The following ABR variants were observed in gnomAD, a reference collection of about 807,000 sequenced individuals.
ABR encodes ABR activator of RhoGEF and GTPase.
In ABR, 35 loss-of-function variants were observed where a neutral mutation model predicts 107.2. That is an observed-to-expected ratio of 0.33 (90% CI 0.25 to 0.43). The LOEUF (loss-of-function observed/expected upper bound fraction) is 0.43. Among genes scored for constraint, ABR ranks in the 20% least tolerant of loss-of-function variants. The pLI is 1.00. For synonymous variants in ABR, 498 were observed against 462.0 expected (o/e 1.08, Z -1.00); for missense variants, 815 against 1,115.2 (o/e 0.73, Z 3.83).
chr17:1,133,775 A>T (rs1293178833), intron 1 of ABR, among the ~76,000 whole-genome samples: 1 of 152,114 alleles, frequency 6.6e-6, no homozygotes, highest in Non-Finnish European at 1.5e-5. Flanking sequence ...GTGGCAACAG[A>T]CCAGTCCCAG....
intron 1 of ABR, among the ~76,000 whole-genome samples, chr17:1,212,574 G>A (rs1309352919): frequency 6.6e-6 from 1 of 151,394 alleles, no homozygotes; most frequent in Non-Finnish European, 1.5e-5. Flanking sequence ...GGCCAACATG[G>A]TGAAACCTCG....
chr17:1,120,256 ATT>A (rs34286098), intron 2 of ABR, among the ~76,000 whole-genome samples: 1 of 150,570 alleles, frequency 6.6e-6, no homozygotes, highest in Non-Finnish European at 1.5e-5. Context: ...AATGATGATG[ATT>A]TTTTTTTTCC....
Position 1,037,335 on chromosome 17 carries a change from C to T in ABR, c.1791+12715G>A, listed in dbSNP as rs1026070750. 6.6e-6 allele frequency among the ~76,000 whole-genome samples: 1 copy of T among 152,190 alleles called. No homozygotes were observed. Among genetic ancestry groups the T allele is most frequent in the Non-Finnish European group, 1.5e-5 (1 of 68,040 alleles). ...CGTGCTGCTTCTCACACAGCTCCAG[C>T]CTCCCTCTGCCTGACCTCCAGCCTC... On this transcript the variant is annotated intron_variant, in intron 16 of 22. Coordinates refer to ENST00000302538, the MANE Select transcript of ABR (RefSeq NM_021962.5). This position sits in a 1 kb window ranked among gnomAD's most constrained non-coding sequence, Gnocchi z 4.6.
At chr17:1,042,991 A>G (rs1344740144) in intron 16 of ABR, among the ~76,000 whole-genome samples, 1 of 152,188 alleles carries the variant, frequency 6.6e-6, no homozygotes, top group Non-Finnish European at 1.5e-5. Context: ...CAGACTGGAC[A>G]AATTCGTACA....
intron 14 of ABR, chr17:1,055,621 G>A (rs1049026091): frequency 3.1e-5 from 5 of 161,958 alleles, no homozygotes; most frequent in South Asian, 1.7e-4. Flanking sequence ...TCCGCCTCCC[G>A]GGTTCAAGGG....
chr17:1,031,848 G>GCCTCCCTCCCTCCCTCCCTCCCGCGCTCC, intron 16 of ABR: 1 of 927,592 alleles, frequency 1.1e-6, no homozygotes, highest in Non-Finnish European at 1.3e-6. Flanking sequence ...CCCCGCGCTC[G>GCCTCCCTCCCTCCCTCCCTCCCGCGCTCC]CCTCCCTCCC....
At chr17:1,223,304 A>ACAC (rs71372591) in intron 1 of ABR, among the ~76,000 whole-genome samples, 3 of 149,158 alleles carry the variant, frequency 2.0e-5, no homozygotes, top group Non-Finnish European at 4.5e-5. Flanking sequence ...AATCAGTAAC[A>ACAC]ACACACACAC....
At chr17:1,026,011 T>C (rs1450250990) in intron 16 of ABR, among the ~76,000 whole-genome samples, 2 of 152,234 alleles carry the variant, frequency 1.3e-5, no homozygotes, top group Admixed American at 6.5e-5. Context: ...CCTGCTCCCG[T>C]GTCCACTGAA....
chr17:1,211,260 CAG>C (rs1297563885), intron 1 of ABR, among the ~76,000 whole-genome samples: 1 of 151,378 alleles, frequency 6.6e-6, no homozygotes, highest in Non-Finnish European at 1.5e-5. Context: ...GCCTGGGCGA[CAG>C]AGTGAGGCTC....
At chr17:1,170,678 C>T (rs2041676649) in intron 1 of ABR, among the ~76,000 whole-genome samples, 2 of 152,118 alleles carry the variant, frequency 1.3e-5, no homozygotes, top group South Asian at 4.1e-4. Context: ...TCAGGTGATC[C>T]ACCCACCTCG....
chr17:1,195,397 T>A (rs4581759), intron 1 of ABR, among the ~76,000 whole-genome samples: 45,121 of 147,948 alleles, frequency 0.3, 7,758 homozygotes, highest in East Asian at 0.61. Context: ...GGCCCGGCCC[T>A]TAAGGGTGTT....
At chr17:1,065,920 T>C (rs1438793969) in intron 10 of ABR, among the ~76,000 whole-genome samples, 3 of 152,072 alleles carry the variant, frequency 2.0e-5, no homozygotes, top group African/African-American at 7.2e-5. Context: ...TAATTTTGTA[T>C]TTTCAGTAGA....
chr17:1,113,278 ATTTTTTTTTT>A (rs33922708), intron 2 of ABR, among the ~76,000 whole-genome samples: 5 of 104,130 alleles, frequency 4.8e-5, no homozygotes, highest in South Asian at 3.4e-4. Flanking sequence ...ACCTATTGCG[ATTTTTTTTTT>A]TTTTTTTTTT....
intron 1 of ABR, among the ~76,000 whole-genome samples, chr17:1,172,901 C>T (rs996753146): frequency 1.3e-5 from 2 of 152,008 alleles, no homozygotes; most frequent in African/African-American, 4.8e-5. Context: ...CTGGTACAAA[C>T]AGTCACTTGG....
Position 1,011,983 on chromosome 17 carries a change from C to T in ABR, c.1964G>A (p.Arg655Gln), listed in dbSNP as rs772320352. Residue 655 changes from arginine to glutamine, a missense_variant and splice_region_variant, in exon 19 of 23, where the codon CGG becomes CAG. Coordinates refer to ENST00000302538, the MANE Select transcript of ABR (RefSeq NM_021962.5). The surrounding 1 kb of genome is among the most constrained non-coding windows in gnomAD (Gnocchi z 4.8). The stretch of plus-strand genomic sequence containing the variant: ...GATGTAGGGCACCTTGGAGCGCTCC[C>T]GCCTGGGGTGGAGCGTGAGGATGGG... ...FGVKISVVTK[R>Q]ERSKVPYIVR... 18 of 1,612,864 alleles carry T rather than the reference C, an allele frequency of 1.1e-5. No individual in the cohort carries two copies. Among genetic ancestry groups the T allele is most frequent in the East Asian group, 2.2e-5 (1 of 44,816 alleles).
At chr17:1,202,566 C>T (rs1450950499) in intron 1 of ABR, among the ~76,000 whole-genome samples, 46 of 152,144 alleles carry the variant, frequency 3.0e-4, no homozygotes, top group Non-Finnish European at 5.9e-5. Context: ...GCTCAGATTC[C>T]TGACCCTCTT....
chr17:1,108,817 C>CG (rs59504409), intron 2 of ABR: 16 of 1,333,362 alleles, frequency 1.2e-5, no homozygotes, highest in South Asian at 4.8e-5. Flanking sequence ...CCGGGACCCT[C>CG]CGCCGAGGGC....
rs2035129167 is a variant in ABR, at chr17:1,070,372, G to A, written c.895-282C>T. 1.3e-5 allele frequency among the ~76,000 whole-genome samples: 2 copies of A among 152,142 alleles called. No individual in the cohort carries two copies. On this transcript the variant is annotated intron_variant, in intron 8 of 22. Transcript: ENST00000302538. This position sits in a 1 kb window ranked among gnomAD's most constrained non-coding sequence, Gnocchi z 4.2. Reference sequence around the variant, plus strand: ...CGGACAGTGAGGTCTGCCTCATAAGGTGACTCATCGAGATGGTGCATGTGA... The same window carrying A: ...CGGACAGTGAGGTCTGCCTCATAAGATGACTCATCGAGATGGTGCATGTGA...
intron 11 of ABR, among the ~76,000 whole-genome samples, chr17:1,058,500 G>A (rs2033593203): frequency 6.6e-6 from 1 of 152,170 alleles, no homozygotes; most frequent in Admixed American, 6.5e-5. Context: ...GGGGGTGGGT[G>A]GGTGAAGGGG....
Sources: allele counts gnomAD v4.1 joint callset (sites outside exome capture counted in the v4.1 genomes callset), GRCh38; gene constraint gnomAD v4.1.1; non-coding constraint Gnocchi (gnomAD v3.1); transcripts MANE v1.5; gene names NCBI Gene and HGNC (gene_info 2026-07-23, HGNC 2026-07-21).